The following PCYOX1 variants were observed in gnomAD, a reference collection of about 807,000 sequenced individuals.
PCYOX1 encodes the protein prenylcysteine oxidase 1, also known as prenylcysteine lyase.
In PCYOX1, 46 loss-of-function variants were observed where a neutral mutation model predicts 46.4. That is an observed-to-expected ratio of 0.99 (90% CI 0.78 to 1.27). The LOEUF (loss-of-function observed/expected upper bound fraction) is 1.27. Among genes scored for constraint, PCYOX1 ranks in the 50% most tolerant of loss-of-function variants. The pLI is 0.00. For missense variants in PCYOX1, 658 were observed against 628.3 expected (o/e 1.05, Z -0.51); for synonymous variants, 220 against 231.8 (o/e 0.95, Z 0.46).
Position 70,277,618 on chromosome 2 carries a change from CAT to C in PCYOX1, c.*227_*228del. On this transcript the variant is annotated 3_prime_UTR_variant, in exon 6 of 6. Transcript: ENST00000433351. ...ATTTCTTAAGTATTCTTTCACTATC[CAT>C]TAGGAGTTTTTCTTAAACTTGTCTG... 2.3e-6 allele frequency: 1 copy of C among 435,142 alleles called. No individual in the cohort carries two copies. Among genetic ancestry groups the C allele is most frequent in the Non-Finnish European group, 4.1e-6 (1 of 245,430 alleles). The allele number at this position is 435,142 out of a possible 1,614,324, so 27.0% of individuals were successfully genotyped here. A position where few individuals can be genotyped will look rare whatever the true frequency, so the allele number is the denominator to read the frequency against.
rs765961556 is a variant in PCYOX1 at position 70,259,408 on chromosome 2, G to T, written c.161G>T (p.Arg54Leu). Residue 54 changes from arginine to leucine, a missense_variant, in exon 2 of 6, where the codon CGG becomes CTG. Arg to Leu is a moderately radical substitution (Grantham distance 102). Coordinates refer to ENST00000433351, the MANE Select transcript of PCYOX1 (RefSeq NM_016297.4). ...IGGTSAAYYL[R>L]QKFGKDVKID... ...GGCACTTCAGCAGCCTATTACCTGCGGCAGAAATTTGGGAAAGATGTGAAG... is the reference window on the plus strand; with the variant it reads ...GGCACTTCAGCAGCCTATTACCTGCTGCAGAAATTTGGGAAAGATGTGAAG... 2 of 1,614,098 alleles carry T rather than the reference G, an allele frequency of 1.2e-6. No individual in the cohort carries two copies.
At chr2:70,273,055 T>C (rs917602919) in intron 3 of PCYOX1, among the ~76,000 whole-genome samples, 1 of 152,208 alleles carries the variant, frequency 6.6e-6, no homozygotes, top group Non-Finnish European at 1.5e-5. Flanking sequence ...GCTCTCTGTT[T>C]ATATTGTGTA....
chr2:70,267,121 G>A (rs963769395), intron 3 of PCYOX1, among the ~76,000 whole-genome samples: 3 of 151,472 alleles, frequency 2.0e-5, no homozygotes, highest in African/African-American at 7.3e-5. Context: ...GGATGGCGGC[G>A]GGGCAGAGAC....
chr2:70,264,591 T>C (rs550521642), intron 3 of PCYOX1, among the ~76,000 whole-genome samples: 1 of 151,760 alleles, frequency 6.6e-6, no homozygotes, highest in South Asian at 2.1e-4. Flanking sequence ...CCTCCTAAAG[T>C]GCTGCGATTA....
intron 3 of PCYOX1, among the ~76,000 whole-genome samples, chr2:70,262,715 G>A (rs1184855767): frequency 6.6e-6 from 1 of 151,510 alleles, no homozygotes; most frequent in African/African-American, 2.4e-5. Flanking sequence ...TCCTGACCTC[G>A]TGATCCGCCT....
At chr2:70,258,818 G>C (rs574450068) in intron 1 of PCYOX1, among the ~76,000 whole-genome samples, 1 of 152,330 alleles carries the variant, frequency 6.6e-6, no homozygotes, top group South Asian at 2.1e-4. Flanking sequence ...CAGTTTCTCC[G>C]CCTAGGACTA....
intron 3 of PCYOX1, among the ~76,000 whole-genome samples, chr2:70,274,094 G>T (rs1329660030): frequency 6.6e-6 from 1 of 152,176 alleles, no homozygotes; most frequent in African/African-American, 2.4e-5. Context: ...GTGTGCTCCA[G>T]TGGAGACTGT....
chr2:70,263,244 A>G, intron 3 of PCYOX1, among the ~76,000 whole-genome samples: 1 of 151,424 alleles, frequency 6.6e-6, no homozygotes, highest in East Asian at 1.9e-4. Flanking sequence ...AAAAAAAAAA[A>G]GAAAGCTAAG....
Position 70,261,378 on chromosome 2 carries a change from G to A in PCYOX1, c.486G>A (p.Lys162=). Residue 162 remains lysine, a synonymous_variant, in exon 3 of 6, where the codon AAG becomes AAA. Coordinates refer to ENST00000433351, the MANE Select transcript of PCYOX1 (RefSeq NM_016297.4). ...TGTGGGTAGAGGACGTGTTAGACAAGTTCATGAGGTAATTTTTTTTCCTTC... is the reference window on the plus strand; with the variant it reads ...TGTGGGTAGAGGACGTGTTAGACAAATTCATGAGGTAATTTTTTTTCCTTC... ...MHMWVEDVLD[K]FMRIYRYQSH... 1 of 1,601,996 alleles carries A rather than the reference G, an allele frequency of 6.2e-7. No individual in the cohort carries two copies. Among genetic ancestry groups the A allele is most frequent in the Non-Finnish European group, 8.5e-7 (1 of 1,173,164 alleles).
chr2:70,261,086 TC>T, intron 2 of PCYOX1, 125 bp from the exon 3 acceptor site: 2 of 610,522 alleles, frequency 3.3e-6, no homozygotes, highest in Non-Finnish European at 5.8e-6. Context: ...TTCACACTGT[TC>T]CAAAGATAGA....
At chr2:70,274,901 T>C in intron 3 of PCYOX1, 58 bp from the exon 4 acceptor site, 2 of 1,061,316 alleles carry the variant, frequency 1.9e-6, no homozygotes, top group African/African-American at 1.6e-5. Flanking sequence ...CCCTTCTTTA[T>C]ACATCCCCTT....
chr2:70,266,508 C>T (rs1278910771), intron 3 of PCYOX1, among the ~76,000 whole-genome samples: 2 of 149,924 alleles, frequency 1.3e-5, no homozygotes, highest in South Asian at 2.1e-4. Context: ...GGGTGTTCTT[C>T]GGAGAGGGGG....
intron 3 of PCYOX1, among the ~76,000 whole-genome samples, chr2:70,266,605 CCCTGCCG>C (rs1457470375): frequency 6.6e-6 from 1 of 151,916 alleles, no homozygotes; most frequent in Non-Finnish European, 1.5e-5. Flanking sequence ...AGGCAGAGGG[CCCTGCCG>C]CCTTCCGCAG....
chr2:70,275,621 G>A lies in PCYOX1; in HGVS notation c.814G>A (p.Gly272Ser). 2 of 1,614,084 alleles carry A rather than the reference G, an allele frequency of 1.2e-6. No homozygotes were observed. The highest frequency in any genetic ancestry group is 1.7e-6 in the Non-Finnish European group (2 of 1,179,990). The change falls in exon 5 of 6, where the codon GGC becomes AGC. Residue 272 changes from glycine (G) to serine (S), a missense_variant. Physicochemically the swap from Gly to Ser is moderately conservative, Grantham distance 56 (BLOSUM62 0). Transcript: ENST00000433351. ...GGCATCCAAAAGCAATCTTATATCT[G>A]GCTCAGTAATGTACATCGAGGAGAA... ...LQASKSNLIS[G>S]SVMYIEEKTK...
At chr2:70,276,478 T>C (rs1696674044) in intron 5 of PCYOX1, among the ~76,000 whole-genome samples, 1 of 152,176 alleles carries the variant, frequency 6.6e-6, no homozygotes, top group Non-Finnish European at 1.5e-5. Context: ...AGTGCTGAGA[T>C]TACAGGTGTG....
rs748871858 is a variant in PCYOX1 at position 70,280,469 on chromosome 2, G to A, written c.*3077G>A. On this transcript the variant is annotated 3_prime_UTR_variant, in exon 6 of 6. Coordinates refer to ENST00000433351, the MANE Select transcript of PCYOX1 (RefSeq NM_016297.4). ...GTTGAGCATGCATCAGTTACCTTAAGGGCTTGTTAAAACATCGCTAGGCTC... is the reference window on the plus strand; with the variant it reads ...GTTGAGCATGCATCAGTTACCTTAAAGGCTTGTTAAAACATCGCTAGGCTC... 2.0e-5 allele frequency: 3 copies of A among 152,112 alleles called. No homozygotes were observed. Among genetic ancestry groups the A allele is most frequent in the Non-Finnish European group, 4.4e-5 (3 of 68,010 alleles). 9.4% of individuals were successfully genotyped at this position (152,112 alleles called of 1,614,324 possible). A position where few individuals can be genotyped will look rare whatever the true frequency, so the allele number is the denominator to read the frequency against.
chr2:70,265,159 A>G (rs1696495385), intron 3 of PCYOX1, among the ~76,000 whole-genome samples: 1 of 150,462 alleles, frequency 6.6e-6, no homozygotes, highest in Non-Finnish European at 1.5e-5. Context: ...CTGCACATAC[A>G]TTTATGTAGT....
At chr2:70,265,927 T>C (rs1696515631) in intron 3 of PCYOX1, among the ~76,000 whole-genome samples, 1 of 152,172 alleles carries the variant, frequency 6.6e-6, no homozygotes, top group Non-Finnish European at 1.5e-5. Context: ...CCACTCTATC[T>C]TGAATCCCAT....
chr2:70,273,313 A>G (rs1342645847), intron 3 of PCYOX1, among the ~76,000 whole-genome samples: 1 of 152,184 alleles, frequency 6.6e-6, no homozygotes, highest in Non-Finnish European at 1.5e-5. Flanking sequence ...AGTCTCCTAA[A>G]GACTGGGACC....
Sources: allele counts gnomAD v4.1 joint callset (sites outside exome capture counted in the v4.1 genomes callset), GRCh38; gene constraint gnomAD v4.1.1; transcripts MANE v1.5; gene names NCBI Gene and HGNC (gene_info 2026-07-23, HGNC 2026-07-21).